Variants in EFNA5 observed in about 807,000 individuals in gnomAD.
The protein encoded by EFNA5 is ephrin A5.
Under a neutral mutation model 22.9 loss-of-function variants are expected in EFNA5, and 5 were observed. The observed-to-expected ratio is 0.22, with a 90% CI of 0.11 to 0.46. The LOEUF is 0.46. EFNA5 is among the 20% of genes least tolerant of loss of function. EFNA5 has a pLI of 0.99. For missense variants in EFNA5, 237 were observed against 293.3 expected (o/e 0.81, Z 1.40); for synonymous variants, 113 against 112.2 (o/e 1.01, Z -0.04).
intron 1 of EFNA5, among the ~76,000 whole-genome samples, chr5:107,534,325 A>G (rs1230321241): frequency 6.6e-6 from 1 of 152,178 alleles, no homozygotes; most frequent in African/African-American, 2.4e-5. Flanking sequence ...CCTTTTGTGT[A>G]TATGGGGGAC....
intron 1 of EFNA5, among the ~76,000 whole-genome samples, chr5:107,503,438 GA>G (rs1318704074): frequency 1.3e-5 from 2 of 152,184 alleles, no homozygotes; most frequent in Non-Finnish European, 2.9e-5. Flanking sequence ...GATCTTCTAA[GA>G]AGAGGTGTTC....
intron 1 of EFNA5, among the ~76,000 whole-genome samples, chr5:107,442,807 G>T (rs1749290139): frequency 6.6e-6 from 1 of 150,822 alleles, no homozygotes; most frequent in Non-Finnish European, 1.5e-5. Flanking sequence ...TGGTTTTCTG[G>T]ATTGGGATCA....
At chr5:107,563,098 C>T (rs1748585283) in intron 1 of EFNA5, among the ~76,000 whole-genome samples, 1 of 152,108 alleles carries the variant, frequency 6.6e-6, no homozygotes, top group Admixed American at 6.6e-5. Flanking sequence ...AAAGCCATAC[C>T]CAATTCTAGG....
intron 1 of EFNA5, among the ~76,000 whole-genome samples, chr5:107,558,440 A>T (rs1748469309): frequency 6.6e-6 from 1 of 152,234 alleles, no homozygotes; most frequent in Admixed American, 6.5e-5. Flanking sequence ...CTAGCAAAGT[A>T]GAAATCACAC....
intron 1 of EFNA5, among the ~76,000 whole-genome samples, chr5:107,622,242 A>G (rs1394856609): frequency 6.6e-6 from 1 of 152,186 alleles, no homozygotes; most frequent in Non-Finnish European, 1.5e-5. Flanking sequence ...ATAAGGACAT[A>G]AACTACATCC....
chr5:107,473,534 A>G (rs956006321), intron 1 of EFNA5, among the ~76,000 whole-genome samples: 3 of 152,166 alleles, frequency 2.0e-5, no homozygotes, highest in Non-Finnish European at 2.9e-5. Flanking sequence ...GAATCTGAAA[A>G]TACAGGTAGC....
chr5:107,516,379 A>T (rs576555062), intron 1 of EFNA5, among the ~76,000 whole-genome samples: 2 of 152,102 alleles, frequency 1.3e-5, no homozygotes, highest in Non-Finnish European at 2.9e-5. Flanking sequence ...ACAGGAATCA[A>T]GAGAATTTAA....
At position 107,514,933 on chromosome 5, in the gene EFNA5, A is replaced by C. The variant is rs1419795851; in HGVS notation, c.126-87424T>G. ...TAATGAAAAACAGAAAAACAGCCCCAAATCATTTTCTAACAAAGAGCTGCC... is the reference window on the plus strand; with the variant it reads ...TAATGAAAAACAGAAAAACAGCCCCCAATCATTTTCTAACAAAGAGCTGCC... On this transcript the variant is annotated intron_variant, in intron 1 of 4. Coordinates refer to ENST00000333274, the MANE Select transcript of EFNA5 (RefSeq NM_001962.3). Among the ~76,000 whole-genome samples the C allele has an allele frequency of 2.0e-5, 3 of 152,176 alleles. No individual in the cohort carries two copies. In the East Asian group the frequency reaches 5.8e-4, roughly 29 times the overall value.
intron 1 of EFNA5, among the ~76,000 whole-genome samples, chr5:107,602,821 C>T (rs955099529): frequency 2.4e-5 from 3 of 126,226 alleles, no homozygotes; most frequent in Non-Finnish European, 5.2e-5. Flanking sequence ...GAAATGATCA[C>T]AAAGGAGGAA....
intron 1 of EFNA5, among the ~76,000 whole-genome samples, chr5:107,661,721 A>C (rs1750963965): frequency 6.6e-6 from 1 of 152,228 alleles, no homozygotes; most frequent in African/African-American, 2.4e-5. Flanking sequence ...AACTATTAAA[A>C]ATGTAAGCAC....
At chr5:107,445,045 T>C (rs556873341) in intron 1 of EFNA5, among the ~76,000 whole-genome samples, 389 of 152,208 alleles carry the variant, frequency 2.6e-3, no homozygotes, top group South Asian at 8.5e-3. Flanking sequence ...TTTTTGGAGA[T>C]AGAGTCTCAC....
intron 1 of EFNA5, among the ~76,000 whole-genome samples, chr5:107,571,174 A>G (rs1272708509): frequency 6.6e-6 from 1 of 152,164 alleles, no homozygotes; most frequent in Non-Finnish European, 1.5e-5. Context: ...ACAGAAAAAG[A>G]TATCCGAAGC....
At chr5:107,519,217 C>T (rs1019539550) in intron 1 of EFNA5, among the ~76,000 whole-genome samples, 1 of 152,120 alleles carries the variant, frequency 6.6e-6, no homozygotes, top group African/African-American at 2.4e-5. Context: ...TCAAAATATC[C>T]TAATTCTAAA....
intron 1 of EFNA5, among the ~76,000 whole-genome samples, chr5:107,599,599 G>A (rs1749546914): frequency 6.6e-6 from 1 of 152,118 alleles, no homozygotes; most frequent in African/African-American, 2.4e-5. Flanking sequence ...AAAATAAATA[G>A]ATCTACAGCC....
intron 1 of EFNA5, among the ~76,000 whole-genome samples, chr5:107,592,010 TATATA>T (rs1346300248): frequency 1.8e-5 from 1 of 54,692 alleles, no homozygotes; most frequent in South Asian, 3.3e-4. Flanking sequence ...ATATATAATA[TATATA>T]ATATAATATA....
intron 1 of EFNA5, among the ~76,000 whole-genome samples, chr5:107,539,578 C>T (rs987039701): frequency 1.3e-5 from 2 of 152,186 alleles, no homozygotes; most frequent in Non-Finnish European, 2.9e-5. Context: ...CCTGTCTCAG[C>T]CTCCCAAGTA....
chr5:107,655,579 T>C (rs1007600618), intron 1 of EFNA5, among the ~76,000 whole-genome samples: 3 of 152,126 alleles, frequency 2.0e-5, no homozygotes, highest in Non-Finnish European at 4.4e-5. Context: ...ATAATTTCCC[T>C]TATGAATTAC....
rs538857683 is a variant in EFNA5, at chr5:107,668,146, G to A, written c.125+2343C>T. 2.0e-5 allele frequency among the ~76,000 whole-genome samples: 3 copies of A among 152,274 alleles called. No individual in the cohort carries two copies. In the South Asian group the frequency reaches 6.2e-4, roughly 32 times the overall value. Reference sequence around the variant, plus strand: ...AAGTGTTAGGGCTGTATCTCTTGGGGTTAAGAGGGGTACATCATTCTTTCT... The same window carrying A: ...AAGTGTTAGGGCTGTATCTCTTGGGATTAAGAGGGGTACATCATTCTTTCT... On this transcript the variant is annotated intron_variant, in intron 1 of 4. Coordinates refer to ENST00000333274, the MANE Select transcript of EFNA5 (RefSeq NM_001962.3).
At chr5:107,491,877 G>A (rs1484632729) in intron 1 of EFNA5, among the ~76,000 whole-genome samples, 3 of 152,096 alleles carry the variant, frequency 2.0e-5, no homozygotes, top group Non-Finnish European at 4.4e-5. Flanking sequence ...CTGTCGCCCA[G>A]GCTAGAGTGT....
Sources: gnomAD v4.1 joint callset for allele counts (sites outside exome capture counted in the v4.1 genomes callset) on GRCh38, gnomAD v4.1.1 for gene constraint, MANE v1.5 for transcripts, NCBI Gene and HGNC (gene_info 2026-07-23, HGNC 2026-07-21) for gene names.